The following DAB1 variants were observed in gnomAD, a reference collection of about 807,000 sequenced individuals.
DAB1 encodes the protein disabled homolog 1.
Under a neutral mutation model 64.6 loss-of-function variants are expected in DAB1, and 15 were observed. The observed-to-expected ratio is 0.23, with a 90% confidence interval of 0.16 to 0.36. The LOEUF is 0.36. DAB1 is among the 10% of genes least tolerant of loss of function. DAB1 has a pLI of 1.00. For missense variants in DAB1, 596 were observed against 706.7 expected (o/e 0.84, Z 1.78); for synonymous variants, 235 against 251.9 (o/e 0.93, Z 0.64).
At chr1:58,311,975 G>A (rs1246687015) in intron 4 of DAB1, among the ~76,000 whole-genome samples, 3 of 152,084 alleles carry the variant, frequency 2.0e-5, no homozygotes, top group South Asian at 4.1e-4. Context: ...GGCAAAGCAG[G>A]GATTCAAACC....
At chr1:58,333,999 G>A (rs1448446926) in intron 4 of DAB1, among the ~76,000 whole-genome samples, 1 of 152,070 alleles carries the variant, frequency 6.6e-6, no homozygotes, top group East Asian at 1.9e-4. Flanking sequence ...TAGTTTTTCT[G>A]AACTACTCTC....
intron 3 of DAB1, among the ~76,000 whole-genome samples, chr1:58,488,754 T>G (rs561747030): frequency 6.6e-6 from 1 of 152,194 alleles, no homozygotes; most frequent in Non-Finnish European, 1.5e-5. Context: ...CCAGCCCCAG[T>G]GTGTAGTCTT....
At chr1:57,583,792 T>G (rs1273511003) in intron 7 of DAB1, among the ~76,000 whole-genome samples, 2 of 152,200 alleles carry the variant, frequency 1.3e-5, no homozygotes, top group Non-Finnish European at 2.9e-5. Flanking sequence ...AAAATGAATC[T>G]TGTCAGGTAA....
At chr1:57,091,916 A>G (rs1296449835) in intron 4 of DAB1, among the ~76,000 whole-genome samples, 1 of 152,214 alleles carries the variant, frequency 6.6e-6, no homozygotes, top group Non-Finnish European at 1.5e-5. Flanking sequence ...AGCACTCCGT[A>G]ACTGGCCCAA....
chr1:58,534,393 A>G, intron 1 of DAB1: 1 of 716,012 alleles, frequency 1.4e-6, no homozygotes, highest in Non-Finnish European at 2.4e-6. Flanking sequence ...ACTCTGCTTC[A>G]TGGAAAGTTA....
chr1:58,434,371 A>G (rs1159173740), intron 3 of DAB1, among the ~76,000 whole-genome samples: 2 of 151,850 alleles, frequency 1.3e-5, no homozygotes, highest in Admixed American at 6.6e-5. Context: ...AGTAGAGCCA[A>G]CAGGATTTCC....
At chr1:57,288,792 G>C (rs1305266752) in intron 2 of DAB1, among the ~76,000 whole-genome samples, 2 of 152,004 alleles carry the variant, frequency 1.3e-5, no homozygotes, top group Non-Finnish European at 2.9e-5. Context: ...GGAAGAGAAG[G>C]AGAAAAGGAA....
At chr1:57,854,745 G>A (rs1314815913) in intron 1 of DAB1, among the ~76,000 whole-genome samples, 1 of 152,160 alleles carries the variant, frequency 6.6e-6, no homozygotes, top group East Asian at 1.9e-4. Context: ...TAATGGGTGA[G>A]AGCAGATTTA....
chr1:58,026,145 A>T (rs1246799498), intron 5 of DAB1, among the ~76,000 whole-genome samples: 1 of 152,206 alleles, frequency 6.6e-6, no homozygotes, highest in Non-Finnish European at 1.5e-5. Flanking sequence ...TAGAGCTCTG[A>T]ATCTGACACA....
At position 57,126,418 on chromosome 1, in the gene DAB1, C is replaced by G. The variant is rs529993951; in HGVS notation, c.306+10125G>C. Among the ~76,000 whole-genome samples, 307 of 152,218 alleles carry G rather than the reference C, an allele frequency of 2.0e-3. 1 individual carries two copies. The highest frequency in any genetic ancestry group is 0.01 in the Middle Eastern group (3 of 294). Reference sequence around the variant, plus strand: ...TGAAACAATGTAGTGGACAGGGCACCCCCTCACTGGCTGAGACATCTTGGT... The same window carrying G: ...TGAAACAATGTAGTGGACAGGGCACGCCCTCACTGGCTGAGACATCTTGGT... On this transcript the variant is annotated intron_variant, in intron 4 of 14. Coordinates refer to ENST00000371236, the MANE Select transcript of DAB1 (RefSeq NM_001365792.1).
intron 1 of DAB1, among the ~76,000 whole-genome samples, chr1:57,358,367 C>A (rs1268177268): frequency 6.6e-6 from 1 of 151,898 alleles, no homozygotes; most frequent in African/African-American, 2.4e-5. Flanking sequence ...AGAGATGTTA[C>A]ATTTTGTCAA....
At chr1:57,789,189 G>A (rs1020077151) in intron 6 of DAB1, among the ~76,000 whole-genome samples, 30 of 152,110 alleles carry the variant, frequency 2.0e-4, no homozygotes, top group East Asian at 9.7e-4. Flanking sequence ...CTTCACCCCC[G>A]CCCCTGCCGC....
chr1:57,663,135 T>C (rs1303238356), intron 6 of DAB1, among the ~76,000 whole-genome samples: 1 of 152,100 alleles, frequency 6.6e-6, no homozygotes. Flanking sequence ...CTTGCAATCA[T>C]GACTGAAGGC....
intron 2 of DAB1, among the ~76,000 whole-genome samples, chr1:57,282,183 A>AG: frequency 4.5e-5 from 1 of 22,234 alleles, no homozygotes; most frequent in Non-Finnish European, 9.0e-5. Context: ...CCTTCTTCTC[A>AG]AAAAAAAAAA....
At position 57,291,088 on chromosome 1, in the gene DAB1, G is replaced by T; in HGVS notation, c.-58C>A. 1 of 1,206,448 alleles carries T rather than the reference G, an allele frequency of 8.3e-7. No homozygotes were observed. The highest frequency in any genetic ancestry group is 1.2e-6 in the Non-Finnish European group (1 of 838,750). 74.7% of individuals were successfully genotyped at this position (1,206,448 alleles called of 1,614,324 possible). On this transcript the variant is annotated 5_prime_UTR_variant, in exon 2 of 15. Coordinates refer to ENST00000371236, the MANE Select transcript of DAB1 (RefSeq NM_001365792.1). ...CCCGGGCCTCGGCCAGGCTCATTGA[G>T]GACTCTTCTCCAAGAGAAAGACTCC...
chr1:57,033,866 G>T (rs2100437617), intron 9 of DAB1, among the ~76,000 whole-genome samples: 1 of 152,340 alleles, frequency 6.6e-6, no homozygotes, highest in Admixed American at 6.5e-5. Context: ...CCATGGATAA[G>T]AGCATGCTGT....
At chr1:58,526,601 CAA>C (rs10574530) in intron 2 of DAB1, among the ~76,000 whole-genome samples, 36,402 of 121,366 alleles carry the variant, frequency 0.3, 5,783 homozygotes, top group Non-Finnish European at 0.39. Context: ...CTATGGCTAG[CAA>C]AAAAAAAAAA....
chr1:57,599,195 T>C (rs1483245166), intron 7 of DAB1, among the ~76,000 whole-genome samples: 1 of 152,030 alleles, frequency 6.6e-6, no homozygotes, highest in East Asian at 1.9e-4. Flanking sequence ...TTTTTTTTTT[T>C]TCTAGGAATG....
intron 3 of DAB1, among the ~76,000 whole-genome samples, chr1:58,458,838 A>G (rs183848275): frequency 6.6e-6 from 1 of 151,042 alleles, no homozygotes; most frequent in South Asian, 2.1e-4. Context: ...AACAAAAAAA[A>G]AAAACGGTTT....
Sources: allele counts gnomAD v4.1 joint callset (sites outside exome capture counted in the v4.1 genomes callset), GRCh38; gene constraint gnomAD v4.1.1; transcripts MANE v1.5; gene names NCBI Gene and HGNC (gene_info 2026-07-23, HGNC 2026-07-21).